FNBP1: variants seen among roughly 807,000 people sequenced by gnomAD.
FNBP1 encodes the protein formin-binding protein 1.
FNBP1 carries 26 observed loss-of-function variants against 90.6 expected under a neutral mutation model. The observed-to-expected ratio is 0.29, with a 90% CI of 0.21 to 0.40. The LOEUF is 0.40. Among genes scored for constraint, FNBP1 ranks in the 10% least tolerant of loss-of-function variants. The probability of loss-of-function intolerance (pLI) is 1.00; values close to 1 mark genes in which losing one functional copy is unlikely to be tolerated. For missense variants in FNBP1, 635 were observed against 768.0 expected (o/e 0.83, Z 2.05); for synonymous variants, 260 against 265.2 (o/e 0.98, Z 0.19).
At chr9:129,914,550 CATACTG>C (rs2039913591) in intron 11 of FNBP1, among the ~76,000 whole-genome samples, 1 of 151,898 alleles carries the variant, frequency 6.6e-6, no homozygotes, top group South Asian at 2.1e-4. Context: ...CTCCCAAGTT[CATACTG>C]CAGATGAACT....
intron 2 of FNBP1, 51 bp from the exon 3 acceptor site, chr9:129,979,425 A>T: frequency 7.6e-7 from 1 of 1,313,110 alleles, no homozygotes; most frequent in South Asian, 1.2e-5. Context: ...AGAATTAAGA[A>T]ATCAGGAATG....
In FNBP1 at chr9:129,994,925, A is replaced by T. The variant is rs757450447; in HGVS notation, c.58T>A (p.Trp20Arg). Residue 20 changes from tryptophan (W) to arginine (R), a missense_variant, in exon 2 of 17, where the codon TGG becomes AGG. By Grantham distance (101) the Trp-to-Arg change is moderately radical. Transcript: ENST00000446176. ...QFDNLEKHTQ[W>R]GIDILEKYIK... is the part of the protein sequence containing the mutation. ...TATTTCTCAAGAATATCAATTCCCC[A>T]CTGTGTGTGTTTTTCTAAGTTGTCA... The T allele has an allele frequency of 6.2e-7, 1 of 1,604,462 alleles. No homozygotes were observed. The highest frequency in any genetic ancestry group is 2.2e-5 in the East Asian group (1 of 44,638).
chr9:129,947,704 C>A (rs1239925738), intron 6 of FNBP1, among the ~76,000 whole-genome samples: 1 of 151,134 alleles, frequency 6.6e-6, no homozygotes, highest in East Asian at 2.0e-4. Flanking sequence ...CTCACTGCAA[C>A]CTCTGCCTCC....
At chr9:130,036,541 C>T (rs755730282) in intron 1 of FNBP1, among the ~76,000 whole-genome samples, 1 of 152,184 alleles carries the variant, frequency 6.6e-6, no homozygotes, top group Non-Finnish European at 1.5e-5. Flanking sequence ...AATCTCCAGG[C>T]CTCCCACGGT....
At chr9:129,909,100 A>T in intron 11 of FNBP1, 101 bp from the exon 12 acceptor site, 1 of 784,698 alleles carries the variant, frequency 1.3e-6, no homozygotes, top group South Asian at 1.4e-5. Context: ...AGACATCTGC[A>T]TGTGGCTTCA....
intron 16 of FNBP1, chr9:129,895,634 A>C (rs2035584047): frequency 1.9e-5 from 24 of 1,239,452 alleles, no homozygotes; most frequent in Non-Finnish European, 2.3e-5. Flanking sequence ...TCAGCAAGTG[A>C]AACTTGATTA....
At chr9:129,995,651 A>G (rs2053877560) in intron 1 of FNBP1, among the ~76,000 whole-genome samples, 1 of 152,162 alleles carries the variant, frequency 6.6e-6, no homozygotes, top group Admixed American at 6.5e-5. Flanking sequence ...CAGCCTGGGT[A>G]TAAGAGCATG....
intron 16 of FNBP1, among the ~76,000 whole-genome samples, chr9:129,893,042 C>T (rs1470170692): frequency 6.6e-6 from 1 of 152,090 alleles, no homozygotes; most frequent in Non-Finnish European, 1.5e-5. Context: ...TGTCGTCTTG[C>T]CCTATTTTCG....
chr9:129,897,738 T>C (rs1341128987), intron 15 of FNBP1, among the ~76,000 whole-genome samples: 4 of 151,662 alleles, frequency 2.6e-5, no homozygotes, highest in Admixed American at 2.6e-4. Flanking sequence ...CCACTGAGCC[T>C]GGCCTGAGAG....
At chr9:130,052,253 C>T in the FNBP1 span, among the ~76,000 whole-genome samples, 1 of 152,302 alleles carries the variant, frequency 6.6e-6, no homozygotes, top group Non-Finnish European at 1.5e-5. Flanking sequence ...ACAGACAGCA[C>T]TGGTATGACC....
chr9:129,895,479 G>A, intron 16 of FNBP1: 1 of 1,155,182 alleles, frequency 8.7e-7, no homozygotes. Context: ...CATGATGCGT[G>A]CCGGCTTTTA....
At chr9:129,958,875 TGGAGGCTGAGGTG>T (rs1472264066) in intron 4 of FNBP1, among the ~76,000 whole-genome samples, 1 of 149,374 alleles carries the variant, frequency 6.7e-6, no homozygotes, top group Non-Finnish European at 1.5e-5. Flanking sequence ...CCAGCTACTC[TGGAGGCTGAGGTG>T]GGAGGATCAC....
At chr9:129,944,539 CA>C (rs34283195) in intron 6 of FNBP1, among the ~76,000 whole-genome samples, 95,148 of 114,344 alleles carry the variant, frequency 0.83, 38,882 homozygotes, top group East Asian at 0.87. Flanking sequence ...GACTGCGTCT[CA>C]AAAAAAAAAA....
At position 129,890,189 on chromosome 9, in the gene FNBP1, C is replaced by T. The variant is rs1035466131; in HGVS notation, c.*350G>A. Reference sequence around the variant, plus strand: ...TTCACAAAAGGCACTGTGTGAAGCGCGGAAGGGCTGCCAGGACGAGCCCGG... The same window carrying T: ...TTCACAAAAGGCACTGTGTGAAGCGTGGAAGGGCTGCCAGGACGAGCCCGG... On this transcript the variant is annotated 3_prime_UTR_variant, in exon 17 of 17. Transcript: ENST00000446176. This position sits in a 1 kb window ranked among gnomAD's most constrained non-coding sequence, Gnocchi z 5.8. 1.2e-5 allele frequency: 5 copies of T among 432,826 alleles called. No homozygotes were observed. Among genetic ancestry groups the T allele is most frequent in the African/African-American group, 4.0e-5 (2 of 49,750 alleles). The allele number at this position is 432,826 out of a possible 1,614,324, so 26.8% of individuals were successfully genotyped here.
chr9:130,024,992 C>T (rs1043081209), intron 1 of FNBP1, among the ~76,000 whole-genome samples: 1 of 151,970 alleles, frequency 6.6e-6, no homozygotes, highest in Non-Finnish European at 1.5e-5. Flanking sequence ...CCAGCCTGGC[C>T]AACATAGTGA....
chr9:129,940,498 G>A (rs983274156), intron 6 of FNBP1, among the ~76,000 whole-genome samples: 5 of 151,992 alleles, frequency 3.3e-5, no homozygotes, highest in African/African-American at 1.2e-4. Context: ...TGAAAAAGAA[G>A]TTATGAGGCG....
intron 2 of FNBP1, among the ~76,000 whole-genome samples, chr9:129,992,929 A>G (rs923060624): frequency 6.6e-6 from 1 of 150,548 alleles, no homozygotes; most frequent in Non-Finnish European, 1.5e-5. Flanking sequence ...ATTAAAAAAA[A>G]AAAAAAAGAA....
At chr9:129,891,015 C>T (rs971812145) in intron 16 of FNBP1, among the ~76,000 whole-genome samples, 10 of 151,836 alleles carry the variant, frequency 6.6e-5, no homozygotes, top group African/African-American at 2.4e-4. Context: ...ATTAGCCTGG[C>T]GTGGTGGCAG....
rs1480818561 is a variant in FNBP1 at position 129,914,755 on chromosome 9, GTCTATATATATATATATATATATA to G, written c.1185+1187_1185+1210del. ...AAAAATTATGTATATACATACATAT[GTCTATATATATATATATATATATA>G]TATATATATATATATCTCACCATAA... On this transcript the variant is annotated intron_variant, in intron 11 of 16. Transcript: ENST00000446176. Among the ~76,000 whole-genome samples, 13 of 98,436 alleles carry G rather than the reference GTCTATATATATATATATATATATA, an allele frequency of 1.3e-4. 1 individual carries two copies. Among genetic ancestry groups the G allele is most frequent in the Admixed American group, 3.6e-4 (3 of 8,358 alleles). 64.6% of individuals were successfully genotyped at this position (98,436 alleles called of 152,430 possible). A position where few individuals can be genotyped will look rare whatever the true frequency, so the allele number is the denominator to read the frequency against.
Sources: gnomAD v4.1 joint callset for allele counts (sites outside exome capture counted in the v4.1 genomes callset) on GRCh38, gnomAD v4.1.1 for gene constraint, Gnocchi (gnomAD v3.1) non-coding constraint, MANE v1.5 for transcripts, NCBI Gene and HGNC (gene_info 2026-07-23, HGNC 2026-07-21) for gene names.